The following NECAB1 variants were observed in gnomAD, a reference collection of about 807,000 sequenced individuals.
NECAB1 encodes N-terminal EF-hand calcium binding protein 1.
A neutral mutation model predicts 57.5 loss-of-function variants in NECAB1; 29 were observed. The observed-to-expected ratio is 0.50, with a 90% CI of 0.38 to 0.69. The LOEUF (loss-of-function observed/expected upper bound fraction) is 0.69. NECAB1 is among the 30% of genes least tolerant of loss of function. The pLI, the probability that NECAB1 is intolerant of heterozygous loss-of-function variation, is 0.00. For missense variants in NECAB1, 372 were observed against 413.8 expected (o/e 0.90, Z 0.88); for synonymous variants, 142 against 147.7 (o/e 0.96, Z 0.28).
At chr8:90,910,224 C>T (rs201049819) in intron 5 of NECAB1, among the ~76,000 whole-genome samples, 1 of 79,606 alleles carries the variant, frequency 1.3e-5, no homozygotes, top group Non-Finnish European at 2.7e-5. Flanking sequence ...TTCTTAATAT[C>T]TTCTAGCTTA....
At chr8:90,858,810 A>G (rs1029377212) in intron 3 of NECAB1, among the ~76,000 whole-genome samples, 1 of 152,192 alleles carries the variant, frequency 6.6e-6, no homozygotes, top group Non-Finnish European at 1.5e-5. Context: ...GCATTCCTAG[A>G]TCAAATCCTG....
intron 9 of NECAB1, among the ~76,000 whole-genome samples, chr8:90,936,815 T>A (rs113043936): frequency 6.6e-6 from 1 of 152,160 alleles, no homozygotes; most frequent in Non-Finnish European, 1.5e-5. Context: ...ATTTTTTTTT[T>A]TCTCAGCCCA....
At chr8:90,868,300 G>T (rs1181460328) in intron 3 of NECAB1, among the ~76,000 whole-genome samples, 1 of 152,200 alleles carries the variant, frequency 6.6e-6, no homozygotes, top group Non-Finnish European at 1.5e-5. Context: ...ATAGAGAAGT[G>T]GGACATTGCT....
At chr8:90,918,934 C>T (rs1224151961) in intron 6 of NECAB1, among the ~76,000 whole-genome samples, 1 of 151,990 alleles carries the variant, frequency 6.6e-6, no homozygotes, top group Non-Finnish European at 1.5e-5. Context: ...TGGGAAAGAC[C>T]CTTACAGACT....
intron 5 of NECAB1, among the ~76,000 whole-genome samples, chr8:90,914,406 C>A (rs1809903222): frequency 6.6e-6 from 1 of 152,134 alleles, no homozygotes; most frequent in South Asian, 2.1e-4. Context: ...GTGTTACAAG[C>A]TGAGTCTGGA....
chr8:90,858,346 C>G (rs1812832661), intron 3 of NECAB1, among the ~76,000 whole-genome samples: 1 of 152,130 alleles, frequency 6.6e-6, no homozygotes, highest in Admixed American at 6.5e-5. Context: ...ATCAGCAGTA[C>G]CATCTGCCAC....
rs1388707653 is a variant in NECAB1 at position 90,955,708 on chromosome 8, T to C, written c.*196T>C. ...TTTTAGCTCAATTTTCAAAGTTCAC[T>C]AATATTCTCAATATTTAATGCTAAA... On this transcript the variant is annotated 3_prime_UTR_variant, in exon 13 of 13. Transcript: ENST00000417640. 4.2e-6 allele frequency: 2 copies of C among 472,832 alleles called. No homozygotes were observed. Among genetic ancestry groups the C allele is most frequent in the Non-Finnish European group, 3.7e-6 (1 of 269,700 alleles). The allele number at this position is 472,832 out of a possible 1,614,324, so 29.3% of individuals were successfully genotyped here.
chr8:90,888,793 A>T (rs1202806275), intron 5 of NECAB1, among the ~76,000 whole-genome samples: 1 of 152,242 alleles, frequency 6.6e-6, no homozygotes, highest in East Asian at 1.9e-4. Context: ...TCAGGGCCAC[A>T]TGGTATTGTG....
chr8:90,794,442 TCAAA>T (rs1284809602), intron 1 of NECAB1, among the ~76,000 whole-genome samples: 6 of 152,194 alleles, frequency 3.9e-5, no homozygotes, highest in African/African-American at 1.4e-4. Context: ...GTCTTCTGTA[TCAAA>T]CAGACAATTT....
rs939613401 is a variant in NECAB1 at position 90,959,074 on chromosome 8, C to T, written c.*3562C>T. On this transcript the variant is annotated 3_prime_UTR_variant, in exon 13 of 13. Coordinates refer to ENST00000417640, the MANE Select transcript of NECAB1 (RefSeq NM_022351.5). ...AGTTAATTTATCAATTGATTGAATA[C>T]AGTTTTTACTAATTAGTTTATCAAA... is the stretch of plus-strand genomic sequence containing the variant. The T allele has an allele frequency of 5.4e-6, 5 of 921,794 alleles. No homozygotes were observed. The highest frequency in any genetic ancestry group is 5.6e-5 in the Admixed American group (2 of 35,510). The allele number at this position is 921,794 out of a possible 1,614,324, so 57.1% of individuals were successfully genotyped here. A position where few individuals can be genotyped will look rare whatever the true frequency, so the allele number is the denominator to read the frequency against.
intron 5 of NECAB1, among the ~76,000 whole-genome samples, chr8:90,891,062 A>G (rs1239343871): frequency 6.6e-6 from 1 of 152,232 alleles, no homozygotes; most frequent in Non-Finnish European, 1.5e-5. Context: ...AATAATGAGA[A>G]TGAAAGTCAC....
rs998168213 is a variant in NECAB1 at position 90,958,762 on chromosome 8, T to C, written c.*3250T>C. The stretch of plus-strand genomic sequence containing the variant: ...AATTATAAATATACAGTCTTCCCAC[T>C]TCACTAACCAAATTCCTACTTTCCA... On this transcript the variant is annotated 3_prime_UTR_variant, in exon 13 of 13. Coordinates refer to ENST00000417640, the MANE Select transcript of NECAB1 (RefSeq NM_022351.5). The C allele has an allele frequency of 2.5e-6, 1 of 408,122 alleles. No individual in the cohort carries two copies. Among genetic ancestry groups the C allele is most frequent in the East Asian group, 4.6e-5 (1 of 21,558 alleles). The allele number at this position is 408,122 out of a possible 1,614,324, so 25.3% of individuals were successfully genotyped here.
At chr8:90,829,729 C>T (rs992574269) in intron 3 of NECAB1, among the ~76,000 whole-genome samples, 4 of 152,046 alleles carry the variant, frequency 2.6e-5, no homozygotes, top group Non-Finnish European at 5.9e-5. Flanking sequence ...AAAATATCAC[C>T]ACCTACTAAA....
intron 3 of NECAB1, among the ~76,000 whole-genome samples, chr8:90,845,753 A>G (rs984535562): frequency 2.0e-5 from 3 of 152,216 alleles, no homozygotes; most frequent in Non-Finnish European, 4.4e-5. Context: ...ATGTTTTGAG[A>G]CTTGTATTTT....
At chr8:90,917,936 A>C (rs60110296) in intron 6 of NECAB1, among the ~76,000 whole-genome samples, 3 of 116,756 alleles carry the variant, frequency 2.6e-5, no homozygotes, top group East Asian at 2.9e-4. Flanking sequence ...ATATATGTGT[A>C]TGTGTGTATA....
chr8:90,838,839 A>C (rs1812411384), intron 3 of NECAB1, among the ~76,000 whole-genome samples: 1 of 152,228 alleles, frequency 6.6e-6, no homozygotes, highest in Admixed American at 6.5e-5. Context: ...CAGCTGCTAT[A>C]ATCTATATTT....
chr8:90,844,537 T>G (rs1025613243), intron 3 of NECAB1, among the ~76,000 whole-genome samples: 5 of 152,130 alleles, frequency 3.3e-5, no homozygotes, highest in African/African-American at 1.2e-4. Context: ...GGGTCACAGA[T>G]CCTCCCTATT....
intron 5 of NECAB1, among the ~76,000 whole-genome samples, chr8:90,899,080 G>C (rs1035594441): frequency 6.6e-6 from 1 of 152,198 alleles, no homozygotes; most frequent in African/African-American, 2.4e-5. Context: ...GGCTGGCAGA[G>C]AGCCTCTGAC....
At chr8:90,913,485 C>T (rs961822981) in intron 5 of NECAB1, among the ~76,000 whole-genome samples, 12 of 151,908 alleles carry the variant, frequency 7.9e-5, no homozygotes, top group Admixed American at 3.3e-4. Flanking sequence ...AAAAAAGAAG[C>T]AAAATCTGAA....
Sources: gnomAD v4.1 joint callset for allele counts (sites outside exome capture counted in the v4.1 genomes callset) on GRCh38, gnomAD v4.1.1 for gene constraint, MANE v1.5 for transcripts, NCBI Gene and HGNC (gene_info 2026-07-23, HGNC 2026-07-21) for gene names.